ACP3: variants seen among roughly 807,000 people sequenced by gnomAD.
ACP3 encodes acid phosphatase 3, also known as prostatic acid phosphatase.
Under a neutral mutation model 45.6 loss-of-function variants are expected in ACP3, and 38 were observed. The observed-to-expected ratio is 0.83, with a 90% CI of 0.64 to 1.09. The LOEUF (loss-of-function observed/expected upper bound fraction) is 1.09. Among genes scored for constraint, ACP3 ranks in the 50% least tolerant of loss-of-function variants. The probability of loss-of-function intolerance (pLI) is 0.00; values close to 1 mark genes in which losing one functional copy is unlikely to be tolerated. For missense variants in ACP3, 466 were observed against 463.2 expected, an observed-to-expected ratio of 1.01 and a Z score of -0.05; for synonymous variants, 162 against 164.7, an observed-to-expected ratio of 0.98 and a Z score of 0.13.
chr3:132,332,525 GA>G (rs1385830520), intron 4 of ACP3, 181 bp downstream of exon 4: 2 of 728,750 alleles, frequency 2.7e-6, no homozygotes, highest in African/African-American at 3.6e-5. Context: ...GAGAGAGTAG[GA>G]ACCAAATTTC....
At chr3:132,361,191 G>T (rs987211430), downstream of ACP3, among the ~76,000 whole-genome samples, 1 of 152,108 alleles carries the variant, frequency 6.6e-6, no homozygotes, top group Non-Finnish European at 1.5e-5. Flanking sequence ...GATATCCCTT[G>T]TTCAGTGATA....
At chr3:132,318,040 T>A (rs1190473858) in intron 1 of ACP3, among the ~76,000 whole-genome samples, 1 of 152,238 alleles carries the variant, frequency 6.6e-6, no homozygotes. Context: ...GTAAACAACC[T>A]TGAAGCATAA....
chr3:132,356,173 G>C (rs1937890321), intron 9 of ACP3, among the ~76,000 whole-genome samples: 1 of 152,156 alleles, frequency 6.6e-6, no homozygotes, highest in African/African-American at 2.4e-5. Flanking sequence ...AAGTCTTGCT[G>C]TATATTCAAG....
chr3:132,355,057 T>C (rs1937848447), intron 9 of ACP3, among the ~76,000 whole-genome samples: 1 of 152,260 alleles, frequency 6.6e-6, no homozygotes, highest in Admixed American at 6.5e-5. Context: ...CATTAATAGA[T>C]GTGATTCACA....
chr3:132,327,247 G>A (rs1559829279), intron 1 of ACP3, among the ~76,000 whole-genome samples: 1 of 152,220 alleles, frequency 6.6e-6, no homozygotes, highest in Admixed American at 6.5e-5. Context: ...CAGGTGTGGT[G>A]GCTCATGCCT....
intron 5 of ACP3, among the ~76,000 whole-genome samples, chr3:132,340,132 A>C (rs1480066949): frequency 6.6e-6 from 1 of 151,970 alleles, no homozygotes. Context: ...TGGCCAACTT[A>C]GTGAAACCCT....
Position 132,358,137 on chromosome 3 carries a change from C to T in ACP3, c.*1259C>T, listed in dbSNP as rs1937957399. ...AGGCACAGTGGCTCACACCTGTAATCCTTGCATTTTGGAAGGCTGAGGCAG... is the reference window on the plus strand; with the variant it reads ...AGGCACAGTGGCTCACACCTGTAATTCTTGCATTTTGGAAGGCTGAGGCAG... On this transcript the variant is annotated 3_prime_UTR_variant, in exon 10 of 10. Transcript: ENST00000336375. 2.3e-6 allele frequency: 1 copy of T among 438,990 alleles called. No homozygotes were observed. The highest frequency in any genetic ancestry group is 3.0e-6 in the Non-Finnish European group (1 of 330,322). 27.2% of individuals were successfully genotyped at this position (438,990 alleles called of 1,614,324 possible). A position where few individuals can be genotyped will look rare whatever the true frequency, so the allele number is the denominator to read the frequency against.
intron 5 of ACP3, 104 bp from the exon 6 acceptor site, chr3:132,342,448 A>G (rs1937562450): frequency 1.3e-6 from 1 of 746,554 alleles, no homozygotes; most frequent in South Asian, 1.7e-5. Context: ...CCTATAATGC[A>G]CAGGAGAGCT....
chr3:132,344,016 C>T lies in ACP3; in HGVS notation c.649-911C>T, dbSNP rs143862328. ...CCACGTGTGGCCAGGTGTAGTGGCT[C>T]ATGCCTATAATCCCAGCACTTTGGG... On this transcript the variant is annotated intron_variant, in intron 6 of 9. Coordinates refer to ENST00000336375, the MANE Select transcript of ACP3 (RefSeq NM_001099.5). 8.1e-4 allele frequency among the ~76,000 whole-genome samples: 124 copies of T among 152,252 alleles called. 1 individual carries two copies. Among genetic ancestry groups the T allele is most frequent in the African/African-American group, 2.9e-3 (121 of 41,548 alleles).
chr3:132,338,234 C>T (rs950221225), intron 5 of ACP3, among the ~76,000 whole-genome samples: 44 of 147,046 alleles, frequency 3.0e-4, no homozygotes, highest in East Asian at 2.6e-4. Flanking sequence ...TTTTGTTACA[C>T]GAAAATGGTA....
intron 4 of ACP3, among the ~76,000 whole-genome samples, chr3:132,334,569 G>A (rs73862321): frequency 0.028 from 4,256 of 152,222 alleles, 199 homozygotes; most frequent in African/African-American, 0.088. Flanking sequence ...CAGGGCCGTC[G>A]TTCAGGTCTT....
At chr3:132,328,142 T>C in intron 1 of ACP3, 125 bp from the exon 2 acceptor site, 1 of 634,970 alleles carries the variant, frequency 1.6e-6, no homozygotes, top group South Asian at 2.1e-5. Flanking sequence ...TAAAACTCCT[T>C]ACGTGATTAC....
At chr3:132,328,025 A>T (rs1937329748) in intron 1 of ACP3, among the ~76,000 whole-genome samples, 1 of 152,176 alleles carries the variant, frequency 6.6e-6, no homozygotes, top group African/African-American at 2.4e-5. Context: ...AGTGGTTCTT[A>T]ACTAGAGATT....
rs1440502577 is a variant in ACP3 at position 132,352,771 on chromosome 3, C to T, written c.916C>T (p.Leu306Phe). Residue 306 changes from leucine (L) to phenylalanine (F), a missense_variant, in exon 9 of 10, where the codon CTC (leucine) becomes TTC (phenylalanine). Transcript: ENST00000336375. ...GATGGCGCTAGATGTTTACAACGGA[C>T]TCCTTCCTCCCTATGCTTCTTGCCA... ...LQMALDVYNGLLPPYASCHLT... is the reference protein window; with the variant it reads ...LQMALDVYNGFLPPYASCHLT... The T allele has an allele frequency of 1.9e-6, 3 of 1,613,806 alleles. No individual in the cohort carries two copies. Among genetic ancestry groups the T allele is most frequent in the South Asian group, 1.1e-5 (1 of 91,084 alleles).
chr3:132,342,714 T>C, intron 6 of ACP3, 70 bp downstream of exon 6: 1 of 946,162 alleles, frequency 1.1e-6, no homozygotes, highest in Non-Finnish European at 1.6e-6. Context: ...TTGAAATAGA[T>C]GAATATCTTT....
chr3:132,352,527 G>A (rs1161942898), intron 8 of ACP3, among the ~76,000 whole-genome samples, 193 bp from the exon 9 acceptor site: 1 of 152,052 alleles, frequency 6.6e-6, no homozygotes, highest in Non-Finnish European at 1.5e-5. Context: ...TGAAAATAAT[G>A]ATACATATCT....
intron 7 of ACP3, among the ~76,000 whole-genome samples, chr3:132,347,316 A>G (rs17241868): frequency 0.34 from 51,682 of 152,144 alleles, 9,297 homozygotes; most frequent in Middle Eastern, 0.5. Context: ...AGATTTGTCA[A>G]CTACATGTTT....
At position 132,317,560 on chromosome 3, in the gene ACP3, T is replaced by G; in HGVS notation, c.104T>G (p.Leu35Trp). 2 of 1,611,802 alleles carry G rather than the reference T, an allele frequency of 1.2e-6. No individual in the cohort carries two copies. Among genetic ancestry groups the G allele is most frequent in the Non-Finnish European group, 1.7e-6 (2 of 1,179,024 alleles). Residue 35 changes from leucine to tryptophan, a missense_variant, in exon 1 of 10, where the codon TTG becomes TGG. Leu to Trp is a moderately conservative substitution (Grantham distance 61). Transcript: ENST00000336375. ...WLDRSVLAKE[L>W]KFVTLVFRHG... ...GACCGAAGTGTACTAGCCAAGGAGT[T>G]GAAGTTTGTGACTTTGGTAAGTAGA...
chr3:132,365,761 T>G (rs1576432841), intron 10 of ACP3, among the ~76,000 whole-genome samples: 1 of 150,436 alleles, frequency 6.6e-6, no homozygotes, highest in African/African-American at 2.4e-5. Flanking sequence ...TGGTGGTGGG[T>G]GGATCACCTG....
Sources: gnomAD v4.1 joint callset for allele counts (sites outside exome capture counted in the v4.1 genomes callset) on GRCh38, gnomAD v4.1.1 for gene constraint, MANE v1.5 for transcripts, NCBI Gene and HGNC (gene_info 2026-07-23, HGNC 2026-07-21) for gene names.